EPS15: variants seen among roughly 807,000 people sequenced by gnomAD.
EPS15 encodes epidermal growth factor receptor pathway substrate 15.
In EPS15, 72 loss-of-function variants were observed where a neutral mutation model predicts 113.8. The observed-to-expected ratio is 0.63, with a 90% confidence interval of 0.52 to 0.77. The LOEUF (loss-of-function observed/expected upper bound fraction) is 0.77. Ranked by LOEUF, EPS15 falls within the 30% of genes least tolerant of loss-of-function variation. The pLI is 0.00. For synonymous variants in EPS15, 344 were observed against 363.4 expected (o/e 0.95, Z 0.61); for missense variants, 1,048 against 1,045.8 (o/e 1.00, Z -0.03).
At chr1:51,440,476 G>A in intron 11 of EPS15, 44 bp from the exon 12 acceptor site, 4 of 939,028 alleles carry the variant, frequency 4.3e-6, no homozygotes, top group Non-Finnish European at 6.5e-6. Context: ...ATAAAATTAG[G>A]TAATATAAGA....
intron 1 of EPS15, among the ~76,000 whole-genome samples, chr1:51,508,218 GA>G (rs1557536175): frequency 3.1e-5 from 3 of 95,766 alleles, no homozygotes; most frequent in Admixed American, 1.2e-4. Context: ...GAAAAGAAAA[GA>G]AAAGAAAAGA....
intron 1 of EPS15, among the ~76,000 whole-genome samples, chr1:51,496,404 T>C (rs1170862545): frequency 3.3e-5 from 5 of 152,222 alleles, no homozygotes; most frequent in African/African-American, 1.2e-4. Context: ...GTATACCATA[T>C]TCCCCCAATT....
intron 6 of EPS15, among the ~76,000 whole-genome samples, chr1:51,464,495 C>T (rs993354804): frequency 2.6e-5 from 4 of 152,076 alleles, no homozygotes; most frequent in Non-Finnish European, 5.9e-5. Context: ...CCGCCTCACC[C>T]TCCCAAAGTG....
intron 8 of EPS15, among the ~76,000 whole-genome samples, chr1:51,460,691 T>C (rs1235622995): frequency 6.6e-6 from 1 of 152,218 alleles, no homozygotes; most frequent in East Asian, 1.9e-4. Context: ...CAGTGGTTCA[T>C]GCCTGTAATC....
intron 1 of EPS15, 43 bp downstream of exon 1, chr1:51,519,156 G>C: frequency 7.2e-7 from 1 of 1,387,970 alleles, no homozygotes; most frequent in Non-Finnish European, 9.6e-7. Flanking sequence ...TGGGGGAGGG[G>C]GCACCGGCCG....
chr1:51,368,350 C>G (rs752820198), intron 21 of EPS15, among the ~76,000 whole-genome samples: 17 of 151,954 alleles, frequency 1.1e-4, no homozygotes, highest in Non-Finnish European at 1.9e-4. Context: ...AAGGGTAGCC[C>G]AAGTGGGAAA....
At chr1:51,495,347 A>AT (rs1394788318) in intron 1 of EPS15, among the ~76,000 whole-genome samples, 26 of 150,760 alleles carry the variant, frequency 1.7e-4, no homozygotes, top group African/African-American at 3.4e-4. Context: ...ATTTATTTTT[A>AT]TTTTTATTTT....
intron 12 of EPS15, among the ~76,000 whole-genome samples, chr1:51,426,260 T>G (rs1651190225): frequency 6.6e-6 from 1 of 151,252 alleles, no homozygotes; most frequent in Non-Finnish European, 1.5e-5. Flanking sequence ...AAACAGAAGA[T>G]GCCATCTCTC....
chr1:51,474,261 A>G (rs1049074671), intron 2 of EPS15, among the ~76,000 whole-genome samples: 16 of 152,368 alleles, frequency 1.1e-4, no homozygotes, highest in African/African-American at 3.4e-4. Flanking sequence ...TATCTTCAAC[A>G]AAGAGTCTTA....
In EPS15 at chr1:51,386,513, CAG is replaced by C. The variant is rs1344189946; in HGVS notation, c.2119+7866_2119+7867del. ...CCACCGCTGCTGATACCCAGGCAAA[CAG>C]GGTCTGGAGTGGACCTCTAGCAAAC... On this transcript the variant is annotated intron_variant, in intron 21 of 24. Coordinates refer to ENST00000371733, the MANE Select transcript of EPS15 (RefSeq NM_001981.3). Among the ~76,000 whole-genome samples the C allele has an allele frequency of 3.3e-5, 5 of 152,286 alleles. No individual in the cohort carries two copies. In the East Asian group the frequency reaches 7.7e-4, roughly 24 times the overall value.
intron 1 of EPS15, among the ~76,000 whole-genome samples, chr1:51,499,290 G>C (rs966406860): frequency 6.6e-6 from 1 of 152,204 alleles, no homozygotes; most frequent in Admixed American, 6.5e-5. Context: ...AGTCTTCAAG[G>C]TTTCTTCATG....
At chr1:51,428,764 T>C (rs919667262) in intron 12 of EPS15, among the ~76,000 whole-genome samples, 23 of 147,116 alleles carry the variant, frequency 1.6e-4, no homozygotes, top group African/African-American at 2.3e-4. Flanking sequence ...GAGGCAGAGG[T>C]TGCAGTGAGC....
At chr1:51,457,335 A>G (rs1245346170) in intron 8 of EPS15, among the ~76,000 whole-genome samples, 1 of 151,906 alleles carries the variant, frequency 6.6e-6, no homozygotes, top group African/African-American at 2.4e-5. Flanking sequence ...TGGGGAAGAA[A>G]ATAAATAAAA....
intron 21 of EPS15, among the ~76,000 whole-genome samples, chr1:51,374,404 G>A (rs1646734451): frequency 6.6e-6 from 1 of 152,126 alleles, no homozygotes; most frequent in Non-Finnish European, 1.5e-5. Context: ...ATCACCTGAG[G>A]TCAGGGCTTC....
intron 12 of EPS15, among the ~76,000 whole-genome samples, chr1:51,434,620 GA>G (rs1651991285): frequency 6.6e-6 from 1 of 152,116 alleles, no homozygotes; most frequent in African/African-American, 2.4e-5. Flanking sequence ...TTTGTAAGAT[GA>G]AAAGTCTTGG....
intron 9 of EPS15, 121 bp from the exon 10 acceptor site, chr1:51,447,226 GCAA>G (rs1653137221): frequency 3.9e-6 from 3 of 777,156 alleles, no homozygotes; most frequent in Admixed American, 6.4e-5. Flanking sequence ...CTAACTCAGA[GCAA>G]CAATGTATCA....
intron 8 of EPS15, among the ~76,000 whole-genome samples, chr1:51,448,370 C>T (rs774600706): frequency 2.0e-5 from 3 of 152,002 alleles, no homozygotes; most frequent in Non-Finnish European, 4.4e-5. Context: ...TAGAGACGTA[C>T]CCTTCAACTA....
chr1:51,503,866 G>T (rs1314676157), intron 1 of EPS15, among the ~76,000 whole-genome samples: 1 of 152,042 alleles, frequency 6.6e-6, no homozygotes, highest in Non-Finnish European at 1.5e-5. Flanking sequence ...AAATGATGCT[G>T]GAATACCATG....
intron 21 of EPS15, chr1:51,372,478 A>G (rs1646681251): frequency 5.6e-6 from 3 of 533,720 alleles, no homozygotes; most frequent in Admixed American, 3.9e-5. Context: ...TTTTTAGACC[A>G]TGATTATTTG....
Sources: gnomAD v4.1 joint callset for allele counts (sites outside exome capture counted in the v4.1 genomes callset) on GRCh38, gnomAD v4.1.1 for gene constraint, MANE v1.5 for transcripts, NCBI Gene and HGNC (gene_info 2026-07-23, HGNC 2026-07-21) for gene names.